Variants in LEF1 observed in about 807,000 individuals in gnomAD.
The protein encoded by LEF1 is lymphoid enhancer-binding factor 1.
Under a neutral mutation model 51.2 loss-of-function variants are expected in LEF1, and 14 were observed. The ratio of observed to expected loss-of-function variants is 0.27; its 90% CI spans 0.18 to 0.43. The LOEUF (loss-of-function observed/expected upper bound fraction) is 0.43, where lower values mean the gene tolerates loss of function less well. Among genes scored for constraint, LEF1 ranks in the 20% least tolerant of loss-of-function variants. The pLI is 1.00. For synonymous variants in LEF1, 185 were observed against 183.2 expected (o/e 1.01, Z -0.08); for missense variants, 386 against 512.0 (o/e 0.75, Z 2.37).
At chr4:108,121,010 A>G (rs1742144287) in intron 3 of LEF1, among the ~76,000 whole-genome samples, 1 of 152,226 alleles carries the variant, frequency 6.6e-6, no homozygotes, top group African/African-American at 2.4e-5. Flanking sequence ...TAAAAACTCA[A>G]TCATACTGGT....
intron 9 of LEF1, among the ~76,000 whole-genome samples, chr4:108,066,806 T>C (rs113346651): frequency 0.019 from 2,898 of 152,306 alleles, 47 homozygotes; most frequent in Middle Eastern, 0.051. Flanking sequence ...CATTAAAAAC[T>C]AAATTGAAAA....
chr4:108,159,982 T>C (rs1406815949), intron 3 of LEF1, among the ~76,000 whole-genome samples: 2 of 152,216 alleles, frequency 1.3e-5, no homozygotes, highest in African/African-American at 2.4e-5. Context: ...CCAGGTGTTA[T>C]TGTGGTTTGA....
At chr4:108,119,644 C>T (rs988953368) in intron 3 of LEF1, among the ~76,000 whole-genome samples, 1 of 152,146 alleles carries the variant, frequency 6.6e-6, no homozygotes, top group Non-Finnish European at 1.5e-5. Flanking sequence ...GTTGAATGAT[C>T]TGCCCCATCA....
At position 108,156,256 on chromosome 4, in the gene LEF1, T is replaced by C. The variant is rs1174797020; in HGVS notation, c.414+7312A>G. 3.3e-5 allele frequency among the ~76,000 whole-genome samples: 5 copies of C among 152,192 alleles called. No homozygotes were observed. In the East Asian group the frequency reaches 7.7e-4, roughly 23 times the overall value. ...ATATGAGGGTCTAGTCCATTCTTTATTTATTCCAGTAGTGCACTCCCCCGG... is the reference window on the plus strand; with the variant it reads ...ATATGAGGGTCTAGTCCATTCTTTACTTATTCCAGTAGTGCACTCCCCCGG... On this transcript the variant is annotated intron_variant, in intron 3 of 11. Transcript: ENST00000265165.
intron 10 of LEF1, 119 bp downstream of exon 10, chr4:108,064,215 CAG>C (rs1737897702): frequency 5.0e-6 from 3 of 594,136 alleles, no homozygotes; most frequent in Non-Finnish European, 8.9e-6. Context: ...GAAGAAAAAG[CAG>C]AGTTAAAGCA....
chr4:108,155,074 G>A (rs556525009), intron 3 of LEF1, among the ~76,000 whole-genome samples: 10 of 151,944 alleles, frequency 6.6e-5, no homozygotes, highest in African/African-American at 2.2e-4. Flanking sequence ...TCCTTCATAC[G>A]GCTCCTGGAT....
At chr4:108,106,548 G>A (rs993939292) in intron 3 of LEF1, among the ~76,000 whole-genome samples, 21 of 152,158 alleles carry the variant, frequency 1.4e-4, no homozygotes, top group Non-Finnish European at 3.1e-4. Context: ...CGACAATATG[G>A]TGCACTGATG....
At chr4:108,165,805 T>A (rs1420378695) in intron 1 of LEF1, among the ~76,000 whole-genome samples, 1 of 152,166 alleles carries the variant, frequency 6.6e-6, no homozygotes, top group East Asian at 1.9e-4. Flanking sequence ...GTAGCCCAGT[T>A]GATATCAGTT....
At chr4:108,054,553 T>C (rs4386676) in intron 11 of LEF1, among the ~76,000 whole-genome samples, 152,291 of 152,336 alleles carry the variant, frequency 1, 76,123 homozygotes, top group Middle Eastern at 1. Flanking sequence ...TTAAAGCCTC[T>C]GGAATGTGGC....
rs7689434 is a variant in LEF1 at position 108,076,242 on chromosome 4, T to A, written c.1008+1978A>T. 8.5e-3 allele frequency among the ~76,000 whole-genome samples: 1,300 copies of A among 152,332 alleles called. 16 individuals are homozygous for A. Among genetic ancestry groups the A allele is most frequent in the African/African-American group, 0.028 (1,180 of 41,558 alleles). On this transcript the variant is annotated intron_variant, in intron 8 of 11. Coordinates refer to ENST00000265165, the MANE Select transcript of LEF1 (RefSeq NM_016269.5). Reference sequence around the variant, plus strand: ...ATTTATCATAATTTTTATTACATATTTATTGGCTATTTATTTGTCTAATGT... The same window carrying A: ...ATTTATCATAATTTTTATTACATATATATTGGCTATTTATTTGTCTAATGT...
At chr4:108,063,549 C>T in intron 11 of LEF1, 74 bp downstream of exon 11, 2 of 1,150,606 alleles carry the variant, frequency 1.7e-6, no homozygotes, top group South Asian at 2.7e-5. Flanking sequence ...TCATTATGAG[C>T]AAGAAGATTC....
At chr4:108,082,602 T>C (rs1405666126) in intron 5 of LEF1, among the ~76,000 whole-genome samples, 2 of 152,206 alleles carry the variant, frequency 1.3e-5, no homozygotes, top group East Asian at 3.9e-4. Flanking sequence ...ATTATTTCTA[T>C]GGAGGGAGAA....
At chr4:108,144,601 T>A (rs1485287720) in intron 3 of LEF1, among the ~76,000 whole-genome samples, 1 of 152,208 alleles carries the variant, frequency 6.6e-6, no homozygotes, top group South Asian at 2.1e-4. Flanking sequence ...TGGTTTAAAA[T>A]AGCAAGTGCC....
chr4:108,104,665 G>T, intron 3 of LEF1: 1 of 983,860 alleles, frequency 1.0e-6, no homozygotes, highest in Non-Finnish European at 1.2e-6. Flanking sequence ...CCAAACTATC[G>T]TATGAAGGAC....
chr4:108,141,861 C>T (rs1451742812), intron 3 of LEF1, among the ~76,000 whole-genome samples: 1 of 151,826 alleles, frequency 6.6e-6, no homozygotes, highest in East Asian at 1.9e-4. Flanking sequence ...GTAATTGGAA[C>T]ATGCAAAGAT....
chr4:108,156,294 A>G (rs940433552), intron 3 of LEF1, among the ~76,000 whole-genome samples: 4 of 152,186 alleles, frequency 2.6e-5, no homozygotes, highest in Non-Finnish European at 4.4e-5. Context: ...GACTGTTTTC[A>G]GGAGTTATCT....
At chr4:108,058,622 C>T (rs1181903178) in intron 11 of LEF1, among the ~76,000 whole-genome samples, 1 of 152,162 alleles carries the variant, frequency 6.6e-6, no homozygotes, top group Non-Finnish European at 1.5e-5. Flanking sequence ...GGAAGCCTTC[C>T]TTGATTTCAC....
At chr4:108,076,142 T>C (rs1738845083) in intron 8 of LEF1, among the ~76,000 whole-genome samples, 1 of 152,200 alleles carries the variant, frequency 6.6e-6, no homozygotes, top group African/African-American at 2.4e-5. Context: ...TCAGCTTAAA[T>C]ACAGTTTCCT....
At chr4:108,097,903 A>G (rs1740497913) in intron 3 of LEF1, among the ~76,000 whole-genome samples, 1 of 152,190 alleles carries the variant, frequency 6.6e-6, no homozygotes, top group Admixed American at 6.5e-5. Flanking sequence ...AATCAATTAA[A>G]GTGAGTGAGA....
Sources: allele counts gnomAD v4.1 joint callset (sites outside exome capture counted in the v4.1 genomes callset), GRCh38; gene constraint gnomAD v4.1.1; transcripts MANE v1.5; gene names NCBI Gene and HGNC (gene_info 2026-07-23, HGNC 2026-07-21).